PPP1R21: variants seen among roughly 807,000 people sequenced by gnomAD.
PPP1R21 encodes protein phosphatase 1 regulatory subunit 21.
A neutral mutation model predicts 112.8 loss-of-function variants in PPP1R21; 85 were observed. The ratio of observed to expected loss-of-function variants is 0.75; its 90% CI spans 0.63 to 0.90. The LOEUF (loss-of-function observed/expected upper bound fraction) is 0.90, where lower values mean the gene tolerates loss of function less well. Ranked by LOEUF, PPP1R21 falls within the 40% of genes least tolerant of loss-of-function variation. PPP1R21 has a pLI of 0.00. For synonymous variants in PPP1R21, 381 were observed against 322.3 expected (o/e 1.18, Z -1.95); for missense variants, 1,199 against 901.5 (o/e 1.33, Z -4.23).
intron 3 of PPP1R21, among the ~76,000 whole-genome samples, chr2:48,455,741 G>A (rs1210722520): frequency 2.6e-5 from 4 of 151,976 alleles, no homozygotes; most frequent in African/African-American, 7.2e-5. Context: ...GCGGCCGGGC[G>A]CGGTGGCTCA....
chr2:48,491,415 C>T (rs1368980438), intron 15 of PPP1R21, among the ~76,000 whole-genome samples: 6 of 151,990 alleles, frequency 3.9e-5, no homozygotes, highest in Admixed American at 6.6e-5. Context: ...CCTGATAGAG[C>T]GCCTGGGGTG....
intron 17 of PPP1R21, among the ~76,000 whole-genome samples, chr2:48,504,773 A>G (rs1006778227): frequency 6.6e-6 from 1 of 152,252 alleles, no homozygotes; most frequent in Non-Finnish European, 1.5e-5. Context: ...AACAATAACC[A>G]GAATTCAGAA....
chr2:48,489,424 C>T (rs1669455240), intron 14 of PPP1R21, among the ~76,000 whole-genome samples: 2 of 151,856 alleles, frequency 1.3e-5, no homozygotes, highest in South Asian at 4.2e-4. Context: ...TTACTTGAGC[C>T]CAGGAGGTTG....
chr2:48,450,926 A>ATG (rs1667442487), intron 1 of PPP1R21, 82 bp from the exon 2 acceptor site: 1 of 1,126,894 alleles, frequency 8.9e-7, no homozygotes, highest in Non-Finnish European at 1.4e-6. Context: ...CAGTGTAATG[A>ATG]TGCCTGTAAA....
chr2:48,474,645 T>C (rs1668669740), intron 11 of PPP1R21, 38 bp from the exon 12 acceptor site: 2 of 1,573,834 alleles, frequency 1.3e-6, no homozygotes, highest in Non-Finnish European at 1.7e-6. Flanking sequence ...TGAAAATCGT[T>C]TGGGATGCTC....
chr2:48,471,011 G>T (rs1668472938), intron 9 of PPP1R21, 76 bp from the exon 10 acceptor site: 5 of 983,822 alleles, frequency 5.1e-6, no homozygotes, highest in Non-Finnish European at 8.0e-6. Flanking sequence ...TTATAATTTG[G>T]TGGGTCCATT....
intron 14 of PPP1R21, among the ~76,000 whole-genome samples, chr2:48,489,578 A>T (rs1398325277): frequency 6.6e-6 from 1 of 151,812 alleles, no homozygotes; most frequent in Non-Finnish European, 1.5e-5. Flanking sequence ...GGGCTCAAGC[A>T]GTACCCCTGC....
chr2:48,495,143 ATC>A (rs536865853), intron 15 of PPP1R21, among the ~76,000 whole-genome samples: 69 of 152,382 alleles, frequency 4.5e-4, no homozygotes, highest in Non-Finnish European at 8.1e-4. Context: ...TCGTAAAGTC[ATC>A]AGTCGAACCA....
At chr2:48,479,644 T>G (rs1668916034) in intron 12 of PPP1R21, 6 of 600,452 alleles carry the variant, frequency 1.0e-5, no homozygotes, top group South Asian at 8.0e-5. Context: ...TCACAAAGAC[T>G]TTCGTTTTAC....
At chr2:48,512,783 T>G (rs949269542) in intron 21 of PPP1R21, among the ~76,000 whole-genome samples, 36 of 152,212 alleles carry the variant, frequency 2.4e-4, no homozygotes, top group African/African-American at 8.4e-4. Flanking sequence ...CTCCAGTTAC[T>G]TGTGGTTCAG....
intron 19 of PPP1R21, among the ~76,000 whole-genome samples, chr2:48,507,864 C>T (rs1255352904): frequency 7.3e-6 from 1 of 136,644 alleles, no homozygotes; most frequent in Non-Finnish European, 1.5e-5. Context: ...CTCCTGGGTT[C>T]GAGCGATTCT....
At chr2:48,465,415 T>A in intron 8 of PPP1R21, 78 bp from the exon 9 acceptor site, 1 of 1,305,304 alleles carries the variant, frequency 7.7e-7, no homozygotes. Context: ...AAATGTTTTC[T>A]CCAGATCAGA....
Position 48,506,245 on chromosome 2 carries a change from C to T in PPP1R21, c.1968+649C>T, listed in dbSNP as rs556441352. ...GGTAGCTGGGACTTCAGGCGCATGTCACCATGTCCAGCTAATTTTTGTACT... is the reference window on the plus strand; with the variant it reads ...GGTAGCTGGGACTTCAGGCGCATGTTACCATGTCCAGCTAATTTTTGTACT... On this transcript the variant is annotated intron_variant, in intron 18 of 21. Coordinates refer to ENST00000294952, the MANE Select transcript of PPP1R21 (RefSeq NM_001135629.3). 2.6e-4 allele frequency among the ~76,000 whole-genome samples: 39 copies of T among 152,262 alleles called. 1 individual carries two copies. The highest frequency in any genetic ancestry group is 8.9e-4 in the African/African-American group (37 of 41,566).
chr2:48,510,963 G>T (rs867195083), intron 20 of PPP1R21, among the ~76,000 whole-genome samples: 5 of 152,174 alleles, frequency 3.3e-5, no homozygotes, highest in Non-Finnish European at 7.3e-5. Flanking sequence ...CTCTTGTTAG[G>T]CCTGGGCCTT....
At chr2:48,453,404 G>T (rs1667569939) in intron 2 of PPP1R21, among the ~76,000 whole-genome samples, 1 of 151,860 alleles carries the variant, frequency 6.6e-6, no homozygotes, top group Admixed American at 6.6e-5. Flanking sequence ...TGTTGCTCAG[G>T]CTGGTCTCCA....
intron 14 of PPP1R21, among the ~76,000 whole-genome samples, chr2:48,487,246 G>A (rs957074758): frequency 1.3e-5 from 2 of 152,092 alleles, no homozygotes; most frequent in African/African-American, 2.4e-5. Flanking sequence ...CACAATATAC[G>A]TTCCATTAAT....
intron 13 of PPP1R21, among the ~76,000 whole-genome samples, chr2:48,483,439 T>C (rs1300216895): frequency 6.6e-6 from 1 of 152,128 alleles, no homozygotes; most frequent in African/African-American, 2.4e-5. Context: ...TGCCTCGGCC[T>C]CTCAAAGTTT....
chr2:48,497,551 A>G (rs927450038), intron 16 of PPP1R21, among the ~76,000 whole-genome samples: 1 of 152,048 alleles, frequency 6.6e-6, no homozygotes, highest in African/African-American at 2.4e-5. Flanking sequence ...TCAGCACAGT[A>G]TATGGTATTA....
At position 48,474,740 on chromosome 2, in the gene PPP1R21, A is replaced by G; in HGVS notation, c.1146A>G (p.Leu382=). The G allele has an allele frequency of 1.8e-5, 29 of 1,613,432 alleles. No homozygotes were observed. Among genetic ancestry groups the G allele is most frequent in the Non-Finnish European group, 2.5e-5 (29 of 1,179,564 alleles). Residue 382 remains leucine, a synonymous_variant, in exon 12 of 22, where the codon CTA becomes CTG. Coordinates refer to ENST00000294952, the MANE Select transcript of PPP1R21 (RefSeq NM_001135629.3). ...CATCTGCGTTAAGAGCCAGGAATCT[A>G]GAGCTGTCCCAGGACATGAAAAAAA... ...LCTSALRARN[L]ELSQDMKKMT...
Sources: gnomAD v4.1 joint callset for allele counts (sites outside exome capture counted in the v4.1 genomes callset) on GRCh38, gnomAD v4.1.1 for gene constraint, MANE v1.5 for transcripts, NCBI Gene and HGNC (gene_info 2026-07-23, HGNC 2026-07-21) for gene names.